Variants in ZNF678 observed in about 807,000 individuals in gnomAD.
ZNF678 encodes hypothetical protein MGC42493.
In ZNF678, 5 loss-of-function variants were observed where a neutral mutation model predicts 3.0. The ratio of observed to expected loss-of-function variants is 1.69; its 90% CI spans 0.88 to 3.56. The LOEUF (loss-of-function observed/expected upper bound fraction) is 3.56, where lower values mean the gene tolerates loss of function less well. Ranked by LOEUF, ZNF678 falls within the 30% of genes most tolerant of loss-of-function variation. The pLI, the probability that ZNF678 is intolerant of heterozygous loss-of-function variation, is 0.00. For synonymous variants in ZNF678, 218 were observed against 199.6 expected (o/e 1.09, Z -0.78); for missense variants, 593 against 605.0 (o/e 0.98, Z 0.21).
downstream of ZNF678, among the ~76,000 whole-genome samples, chr1:227,665,437 A>G (rs1025014634): frequency 2.0e-5 from 3 of 152,154 alleles, no homozygotes; most frequent in Admixed American, 2.0e-4. Flanking sequence ...GAATTCAACA[A>G]AGACAATGGG....
At chr1:227,628,449 A>G (rs1164269043) in intron 1 of ZNF678, among the ~76,000 whole-genome samples, 1 of 152,196 alleles carries the variant, frequency 6.6e-6, no homozygotes, top group African/African-American at 2.4e-5. Flanking sequence ...TCCCGTAATT[A>G]GTGTGTATAA....
intron 1 of ZNF678, among the ~76,000 whole-genome samples, chr1:227,572,905 G>A (rs904640759): frequency 3.9e-4 from 59 of 152,228 alleles, no homozygotes; most frequent in African/African-American, 1.4e-3. Flanking sequence ...CTGGCTTCTA[G>A]AGCACTGCCT....
chr1:227,609,451 T>A (rs1050420597), intron 1 of ZNF678, among the ~76,000 whole-genome samples: 5 of 152,156 alleles, frequency 3.3e-5, no homozygotes, highest in Admixed American at 3.3e-4. Flanking sequence ...CTAGTACCTA[T>A]TAGTTATTTA....
At chr1:227,623,015 T>G (rs531788194) in intron 1 of ZNF678, among the ~76,000 whole-genome samples, 1 of 152,360 alleles carries the variant, frequency 6.6e-6, no homozygotes, top group African/African-American at 2.4e-5. Context: ...TTACTACACC[T>G]TCCTCCTTCC....
chr1:227,623,246 T>C lies in ZNF678; in HGVS notation c.-163-23298T>C, dbSNP rs577960307. 4.6e-5 allele frequency among the ~76,000 whole-genome samples: 7 copies of C among 152,378 alleles called. 2 individuals are homozygous for C. The highest frequency in any genetic ancestry group is 1.7e-4 in the African/African-American group (7 of 41,594). ...TGGCAGGTGCTCAGTAAGTAACTAT[T>C]TAATCAGTGAATAATAGCACTGTCT... On this transcript the variant is annotated intron_variant, in intron 1 of 3. Coordinates refer to ENST00000343776, the MANE Select transcript of ZNF678 (RefSeq NM_001367909.1).
At chr1:227,631,857 G>A (rs1473978602) in intron 1 of ZNF678, among the ~76,000 whole-genome samples, 1 of 152,186 alleles carries the variant, frequency 6.6e-6, no homozygotes, top group Non-Finnish European at 1.5e-5. Context: ...TTCCTCTCTT[G>A]GCAGATGGAT....
chr1:227,629,370 C>T (rs1387827745), intron 1 of ZNF678, among the ~76,000 whole-genome samples: 2 of 152,204 alleles, frequency 1.3e-5, no homozygotes, highest in Non-Finnish European at 2.9e-5. Context: ...GTATAATGGC[C>T]CCTGCTTTTG....
At chr1:227,593,867 C>CTT (rs1357304195) in intron 1 of ZNF678, among the ~76,000 whole-genome samples, 1 of 33,624 alleles carries the variant, frequency 3.0e-5, no homozygotes, top group Non-Finnish European at 4.8e-5. Flanking sequence ...CCCCCCCCCC[C>CTT]TTTTTTTTTT....
chr1:227,632,105 G>C (rs1658561226), intron 1 of ZNF678, among the ~76,000 whole-genome samples: 1 of 152,244 alleles, frequency 6.6e-6, no homozygotes, highest in Non-Finnish European at 1.5e-5. Flanking sequence ...ACAAACTTTG[G>C]GCCCTGGCAA....
intron 1 of ZNF678, among the ~76,000 whole-genome samples, chr1:227,611,557 G>T (rs943009907): frequency 2.0e-5 from 3 of 152,160 alleles, no homozygotes; most frequent in Non-Finnish European, 4.4e-5. Context: ...CTTCATCTGT[G>T]TTCTTCTCAA....
At position 227,655,290 on chromosome 1, in the gene ZNF678, A is replaced by C. The variant is rs1486678857; in HGVS notation, c.1040A>C (p.Lys347Thr). ...CATAAGAGAATTCATACTGGAGAGA[A>C]ACCCTACAAATGTGAAGAATGTGGC... Reference protein sequence around the residue: ...SSHKRIHTGEKPYKCEECGRT... With the variant: ...SSHKRIHTGETPYKCEECGRT... The change falls in exon 4 of 4, where the codon AAA becomes ACA. Residue 347 changes from lysine (K) to threonine (T), a missense_variant. Physicochemically the swap from Lys to Thr is moderately conservative, Grantham distance 78 (BLOSUM62 -1). Coordinates refer to ENST00000343776, the MANE Select transcript of ZNF678 (RefSeq NM_001367909.1). 9 of 1,611,300 alleles carry C rather than the reference A, an allele frequency of 5.6e-6. No individual in the cohort carries two copies. The highest frequency in any genetic ancestry group is 7.6e-6 in the Non-Finnish European group (9 of 1,178,310).
downstream of ZNF678, among the ~76,000 whole-genome samples, chr1:227,665,098 G>C (rs1659479989): frequency 6.6e-6 from 1 of 152,134 alleles, no homozygotes; most frequent in Admixed American, 6.5e-5. Context: ...GGGTACAAAT[G>C]AGACAAAACT....
intron 3 of ZNF678, among the ~76,000 whole-genome samples, chr1:227,652,774 A>G (rs2102803703): frequency 6.6e-6 from 1 of 152,254 alleles, no homozygotes; most frequent in South Asian, 2.1e-4. Context: ...CAAATTGTAG[A>G]GCATAAGTAA....
At chr1:227,613,294 C>T (rs555109124) in intron 1 of ZNF678, among the ~76,000 whole-genome samples, 1 of 152,296 alleles carries the variant, frequency 6.6e-6, no homozygotes, top group African/African-American at 2.4e-5. Flanking sequence ...GATTTTGACA[C>T]TGCCGCAGCT....
chr1:227,584,949 A>G lies in ZNF678; in HGVS notation c.-164+21225A>G, dbSNP rs191394726. Among the ~76,000 whole-genome samples, 135 of 152,364 alleles carry G rather than the reference A, an allele frequency of 8.9e-4. 4 individuals carry two copies. In the Middle Eastern group the frequency reaches 0.01, roughly 12 times the overall value. Reference sequence around the variant, plus strand: ...TAATTTGCTACAACTGAATTTTACAAGAAAGTTTATAGATGGGCCTAGAGT... The same window carrying G: ...TAATTTGCTACAACTGAATTTTACAGGAAAGTTTATAGATGGGCCTAGAGT... On this transcript the variant is annotated intron_variant, in intron 1 of 3. Transcript: ENST00000343776.
At chr1:227,591,891 A>G (rs1657423725) in intron 1 of ZNF678, among the ~76,000 whole-genome samples, 1 of 152,136 alleles carries the variant, frequency 6.6e-6, no homozygotes, top group Non-Finnish European at 1.5e-5. Flanking sequence ...TACAAGTCCA[A>G]ATTTTAAGGA....
chr1:227,604,571 G>C (rs896561991), intron 1 of ZNF678, among the ~76,000 whole-genome samples: 1 of 151,988 alleles, frequency 6.6e-6, no homozygotes, highest in Non-Finnish European at 1.5e-5. Flanking sequence ...GTATTTTTTA[G>C]TAGAGATGGG....
rs1314403615 is a variant in ZNF678 at position 227,658,704 on chromosome 1, A to C, written c.*2876A>C. 6.6e-6 allele frequency: 1 copy of C among 152,030 alleles called. No individual in the cohort carries two copies. Among genetic ancestry groups the C allele is most frequent in the African/African-American group, 2.4e-5 (1 of 41,418 alleles). The allele number at this position is 152,030 out of a possible 1,614,324, so 9.4% of individuals were successfully genotyped here. ...ATAGTGAAAAATTGGATTTAACTGG[A>C]GAGTTTGAGGACATTTTTAAGTTAG... On this transcript the variant is annotated 3_prime_UTR_variant, in exon 4 of 4. Transcript: ENST00000343776.
intron 1 of ZNF678, among the ~76,000 whole-genome samples, chr1:227,609,860 A>G (rs1353935254): frequency 6.6e-6 from 1 of 151,852 alleles, no homozygotes; most frequent in Non-Finnish European, 1.5e-5. Context: ...CAGCCTCCTG[A>G]GTAGCTGGGA....
Sources: gnomAD v4.1 joint callset for allele counts (sites outside exome capture counted in the v4.1 genomes callset) on GRCh38, gnomAD v4.1.1 for gene constraint, MANE v1.5 for transcripts, NCBI Gene and HGNC (gene_info 2026-07-23, HGNC 2026-07-21) for gene names.